AKAP19: variants seen among roughly 807,000 people sequenced by gnomAD.
AKAP19 encodes the protein A-kinase anchoring protein 19, also known as small A-kinase anchoring protein.
the AKAP19 span, chr2:190,055,928 G>T: frequency 2.0e-5 from 3 of 152,370 alleles, no homozygotes; most frequent in African/African-American, 7.2e-5. Flanking sequence ...TCAGATAATA[G>T]AGTCAATTAT....
the AKAP19 span, among the ~76,000 whole-genome samples, chr2:190,111,738 G>A: frequency 6.6e-6 from 1 of 152,068 alleles, no homozygotes; most frequent in Non-Finnish European, 1.5e-5. Flanking sequence ...TCCTGGGGTT[G>A]GGGGGGAAAG....
At chr2:190,176,901 C>G in the AKAP19 span, among the ~76,000 whole-genome samples, 1 of 152,084 alleles carries the variant, frequency 6.6e-6, no homozygotes, top group African/African-American at 2.4e-5. This position sits in a 1 kb window ranked among gnomAD's most constrained non-coding sequence, Gnocchi z 4.7. Flanking sequence ...TTTGGAGAGG[C>G]CATTTTAGAT....
At chr2:190,014,822 A>G in the AKAP19 span, among the ~76,000 whole-genome samples, 3 of 152,196 alleles carry the variant, frequency 2.0e-5, no homozygotes, top group South Asian at 6.2e-4. Context: ...AAATTGGCCA[A>G]AACAAAGGGG....
the AKAP19 span, among the ~76,000 whole-genome samples, chr2:189,880,350 C>T: frequency 6.6e-6 from 1 of 151,940 alleles, no homozygotes; most frequent in Admixed American, 6.5e-5. Context: ...TTTTGCAAAC[C>T]AAAAAGCATC....
At chr2:189,976,949 C>G in the AKAP19 span, among the ~76,000 whole-genome samples, 1 of 152,180 alleles carries the variant, frequency 6.6e-6, no homozygotes, top group African/African-American at 2.4e-5. Context: ...CCTTGCCCTG[C>G]TTTGGCTCAC....
At chr2:189,991,613 A>G in the AKAP19 span, among the ~76,000 whole-genome samples, 186 of 152,228 alleles carry the variant, frequency 1.2e-3, 2 homozygotes, top group Middle Eastern at 0.01. Context: ...TGTTGGAAGT[A>G]TAGTTTGTGA....
At chr2:190,047,480 A>G in the AKAP19 span, among the ~76,000 whole-genome samples, 19 of 152,322 alleles carry the variant, frequency 1.2e-4, 1 homozygote, top group Admixed American at 1.0e-3. Flanking sequence ...ACAAGTGTCA[A>G]CTGGGTACTA....
the AKAP19 span, among the ~76,000 whole-genome samples, chr2:189,977,169 A>G: frequency 1.3e-5 from 2 of 152,160 alleles, no homozygotes; most frequent in African/African-American, 2.4e-5. Context: ...TTTATCCCAC[A>G]TTAGTATTTC....
At chr2:190,043,857 T>C in the AKAP19 span, among the ~76,000 whole-genome samples, 6 of 152,212 alleles carry the variant, frequency 3.9e-5, no homozygotes, top group Non-Finnish European at 5.9e-5. Context: ...TTGAGTACAG[T>C]CAATAGACTT....
the AKAP19 span, among the ~76,000 whole-genome samples, chr2:189,949,992 A>G: frequency 2.7e-5 from 4 of 150,632 alleles, no homozygotes; most frequent in Non-Finnish European, 4.4e-5. Context: ...CTAAAGTTAC[A>G]GAATCAATCA....
chr2:190,013,495 T>C, the AKAP19 span, among the ~76,000 whole-genome samples: 2 of 151,914 alleles, frequency 1.3e-5, no homozygotes, highest in Non-Finnish European at 2.9e-5. Flanking sequence ...TCGTCTCTCT[T>C]TGTTTATTTG....
At chr2:189,993,572 A>G in the AKAP19 span, among the ~76,000 whole-genome samples, 1 of 152,140 alleles carries the variant, frequency 6.6e-6, no homozygotes, top group African/African-American at 2.4e-5. Flanking sequence ...TTTCAGTAAG[A>G]TTGGTACCAA....
At chr2:190,165,695 C>T in the AKAP19 span, among the ~76,000 whole-genome samples, 13,375 of 151,968 alleles carry the variant, frequency 0.088, 666 homozygotes, top group Middle Eastern at 0.12. Context: ...GAGAGGAGTT[C>T]CAGGAGGAGA....
the AKAP19 span, among the ~76,000 whole-genome samples, chr2:189,955,317 A>G: frequency 1.3e-5 from 2 of 151,762 alleles, no homozygotes; most frequent in African/African-American, 4.8e-5. Flanking sequence ...TTTTTTTGCT[A>G]GTATTCTATG....
chr2:190,079,001 A>AG, the AKAP19 span, among the ~76,000 whole-genome samples: 5 of 143,900 alleles, frequency 3.5e-5, no homozygotes, highest in African/African-American at 1.2e-4. Context: ...TAACTATGAA[A>AG]AAAAACATTT....
the AKAP19 span, among the ~76,000 whole-genome samples, chr2:190,114,719 G>A: frequency 1.3e-5 from 2 of 152,164 alleles, no homozygotes; most frequent in Non-Finnish European, 2.9e-5. Flanking sequence ...GCCTCCCAAA[G>A]TGCTGGGATT....
At chr2:190,028,388 C>T in the AKAP19 span, among the ~76,000 whole-genome samples, 1 of 152,074 alleles carries the variant, frequency 6.6e-6, no homozygotes, top group African/African-American at 2.4e-5. Context: ...AAAGACTAGC[C>T]TAGTTTTCCC....
the AKAP19 span, among the ~76,000 whole-genome samples, chr2:189,934,797 G>C: frequency 4.1e-3 from 624 of 151,518 alleles, 3 homozygotes; most frequent in Non-Finnish European, 6.9e-3. Flanking sequence ...TACAATTCAA[G>C]TCTTTCTTAA....
At chr2:189,996,726 T>G in the AKAP19 span, among the ~76,000 whole-genome samples, 1 of 152,324 alleles carries the variant, frequency 6.6e-6, no homozygotes, top group East Asian at 1.9e-4. Flanking sequence ...ATAGACTATT[T>G]TAGTGGAAAA....
Sources: gnomAD v4.1 joint callset for allele counts (sites outside exome capture counted in the v4.1 genomes callset) on GRCh38, gnomAD v4.1.1 for gene constraint, Gnocchi (gnomAD v3.1) non-coding constraint, MANE v1.5 for transcripts, NCBI Gene and HGNC (gene_info 2026-07-23, HGNC 2026-07-21) for gene names.